COIL: variants seen among roughly 807,000 people sequenced by gnomAD.
COIL encodes coilin p80.
A neutral mutation model predicts 51.6 loss-of-function variants in COIL; 28 were observed. The ratio of observed to expected loss-of-function variants is 0.54; its 90% confidence interval spans 0.40 to 0.74. The LOEUF is 0.74. Among genes scored for constraint, COIL ranks in the 30% least tolerant of loss-of-function variants. The probability of loss-of-function intolerance (pLI) is 0.00; values close to 1 mark genes in which losing one functional copy is unlikely to be tolerated. For missense variants in COIL, 667 were observed against 685.9 expected (o/e 0.97, Z 0.31); for synonymous variants, 233 against 255.8 (o/e 0.91, Z 0.85).
In COIL at chr17:56,957,798, C is replaced by A. The variant is rs1195352183; in HGVS notation, c.245+2977G>T. On this transcript the variant is annotated intron_variant, in intron 1 of 6. Transcript: ENST00000240316. Reference sequence around the variant, plus strand: ...CCCCAGCAAACTAACACAGGGGGCTCCAAGCCAATAGAAGCACCTCCTCCT... The same window carrying A: ...CCCCAGCAAACTAACACAGGGGGCTACAAGCCAATAGAAGCACCTCCTCCT... Among the ~76,000 whole-genome samples, 3 of 152,250 alleles carry A rather than the reference C, an allele frequency of 2.0e-5. No homozygotes were observed. The East Asian group carries it at 5.8e-4, about 29-fold the overall frequency.
rs761145108 is a variant in COIL at position 56,942,111 on chromosome 17, G to C, written c.1571C>G (p.Pro524Arg). Residue 524 changes from proline (P) to arginine (R), a missense_variant, in exon 6 of 7, where the codon CCT (proline) becomes CGT (arginine). By Grantham distance (103) the Pro-to-Arg change is moderately radical. Transcript: ENST00000240316. Reference sequence around the variant, plus strand: ...GTGATAAACTAAATCAAATTTCCCAGGTTCTCTCAAGGCTGAAACAAGAAG... The same window carrying C: ...GTGATAAACTAAATCAAATTTCCCACGTTCTCTCAAGGCTGAAACAAGAAG... ...ILSSLPALREPGKFDLVYHNE... is the reference protein window; with the variant it reads ...ILSSLPALRERGKFDLVYHNE... 10 of 1,613,840 alleles carry C rather than the reference G, an allele frequency of 6.2e-6. No homozygotes were observed. The highest frequency in any genetic ancestry group is 8.5e-6 in the Non-Finnish European group (10 of 1,179,772).
At chr17:56,952,548 C>A in intron 1 of COIL, 1 of 230,368 alleles carries the variant, frequency 4.3e-6, no homozygotes, top group Admixed American at 5.9e-5. Context: ...GTGGGTGGGC[C>A]TCATCCAACC....
At chr17:56,942,285 G>A (rs1034562629) in intron 5 of COIL, among the ~76,000 whole-genome samples, 162 bp from the exon 6 acceptor site, 1 of 152,106 alleles carries the variant, frequency 6.6e-6, no homozygotes, top group African/African-American at 2.4e-5. Flanking sequence ...CTCAATACTG[G>A]GGGATCCTGA....
chr17:56,952,088 C>T (rs1490183372), intron 1 of COIL: 6 of 364,884 alleles, frequency 1.6e-5, no homozygotes, highest in Non-Finnish European at 3.2e-5. Flanking sequence ...AGATTACAGG[C>T]ATGAGCCATC....
chr17:56,943,918 T>C (rs1350092093), intron 5 of COIL, among the ~76,000 whole-genome samples: 5 of 152,132 alleles, frequency 3.3e-5, no homozygotes, highest in African/African-American at 1.2e-4. Context: ...CAGCCTGGAG[T>C]GCAGTGACGC....
chr17:56,954,220 C>G (rs1160908961), intron 1 of COIL, among the ~76,000 whole-genome samples: 1 of 152,096 alleles, frequency 6.6e-6, no homozygotes, highest in Non-Finnish European at 1.5e-5. Flanking sequence ...TGGCAACACC[C>G]TCACGCCTTC....
chr17:56,960,150 G>A (rs145106415), intron 1 of COIL, among the ~76,000 whole-genome samples: 1,779 of 152,080 alleles, frequency 0.012, 24 homozygotes, highest in Non-Finnish European at 0.019. Flanking sequence ...ATTGAACCCG[G>A]GAGGTGGAGG....
At chr17:56,951,160 T>C (rs1910363251) in intron 1 of COIL, among the ~76,000 whole-genome samples, 164 bp from the exon 2 acceptor site, 1 of 152,272 alleles carries the variant, frequency 6.6e-6, no homozygotes, top group Non-Finnish European at 1.5e-5. Flanking sequence ...AAATGGCCTA[T>C]GTAGCATTAC....
At chr17:56,960,696 G>A in intron 1 of COIL, 79 bp downstream of exon 1, 1 of 803,324 alleles carries the variant, frequency 1.2e-6, no homozygotes, top group Non-Finnish European at 1.7e-6. Context: ...ACCAGGTCTA[G>A]CGGCTTCAGG....
Position 56,947,565 on chromosome 17 carries a change from C to A in COIL, c.1489-1054G>T, listed in dbSNP as rs140380925. On this transcript the variant is annotated intron_variant, in intron 4 of 6. Transcript: ENST00000240316. Reference sequence around the variant, plus strand: ...AGCTCACTGCAACCCCCACCTACTGCGTTCAAGTGATTCTTGTGCCTCAGT... The same window carrying A: ...AGCTCACTGCAACCCCCACCTACTGAGTTCAAGTGATTCTTGTGCCTCAGT... Among the ~76,000 whole-genome samples, 455 of 152,174 alleles carry A rather than the reference C, an allele frequency of 3.0e-3. 2 individuals are homozygous for A. The highest frequency in any genetic ancestry group is 0.011 in the African/African-American group (441 of 41,514).
chr17:56,943,461 T>G (rs1314484920), intron 5 of COIL, among the ~76,000 whole-genome samples: 1 of 152,224 alleles, frequency 6.6e-6, no homozygotes, highest in African/African-American at 2.4e-5. Context: ...TTACCACTTT[T>G]GTTTCTTTGC....
intron 5 of COIL, among the ~76,000 whole-genome samples, chr17:56,943,244 G>A (rs944240910): frequency 2.8e-4 from 42 of 152,232 alleles, no homozygotes; most frequent in South Asian, 8.3e-4. Flanking sequence ...TTCTAATGTC[G>A]TGAAATAGCT....
intron 1 of COIL, among the ~76,000 whole-genome samples, chr17:56,953,680 T>G (rs1156416743): frequency 6.6e-6 from 1 of 152,188 alleles, no homozygotes; most frequent in African/African-American, 2.4e-5. Context: ...GGAGCATATG[T>G]GACAAGCATT....
intron 1 of COIL, among the ~76,000 whole-genome samples, chr17:56,959,353 GAAA>G (rs908488935): frequency 6.9e-6 from 1 of 145,322 alleles, no homozygotes. Flanking sequence ...ATTTAAAAAA[GAAA>G]AAAAAAAGTC....
chr17:56,953,135 G>GGT (rs1479930079), intron 1 of COIL, among the ~76,000 whole-genome samples: 4 of 152,058 alleles, frequency 2.6e-5, no homozygotes, highest in African/African-American at 9.6e-5. Flanking sequence ...CATCAGGCTG[G>GGT]GCACGGTGGC....
At chr17:56,942,347 T>C (rs1345973163) in intron 5 of COIL, among the ~76,000 whole-genome samples, 1 of 152,194 alleles carries the variant, frequency 6.6e-6, no homozygotes, top group East Asian at 1.9e-4. Flanking sequence ...AGAAAATCTT[T>C]CCTTCATAAG....
chr17:56,943,322 C>A (rs1910182961), intron 5 of COIL, among the ~76,000 whole-genome samples: 1 of 152,156 alleles, frequency 6.6e-6, no homozygotes, highest in African/African-American at 2.4e-5. Context: ...ACATTTTCAT[C>A]CTTTTTGCCA....
chr17:56,946,609 G>A, intron 4 of COIL, 98 bp from the exon 5 acceptor site: 1 of 725,778 alleles, frequency 1.4e-6, no homozygotes. Flanking sequence ...TTAAAATGTT[G>A]AATTTTATGT....
chr17:56,950,300 A>G lies in COIL; in HGVS notation c.942T>C (p.Ser314=). The G allele has an allele frequency of 6.2e-7, 1 of 1,614,220 alleles. No homozygotes were observed. Residue 314 remains serine (S), a synonymous_variant, in exon 2 of 7, where the codon TCT becomes TCC. Coordinates refer to ENST00000240316, the MANE Select transcript of COIL (RefSeq NM_004645.3). The part of the protein sequence containing the change: ...PSKGKTSGTT[S]SSSDSSAESD... Reference sequence around the variant, plus strand: ...ACTCTGCACTAGAGTCTGAACTGGAAGATGTTGTTCCAGAGGTCTTGCCCT... The same window carrying G: ...ACTCTGCACTAGAGTCTGAACTGGAGGATGTTGTTCCAGAGGTCTTGCCCT...
Sources: allele counts gnomAD v4.1 joint callset (sites outside exome capture counted in the v4.1 genomes callset), GRCh38; gene constraint gnomAD v4.1.1; transcripts MANE v1.5; gene names NCBI Gene and HGNC (gene_info 2026-07-23, HGNC 2026-07-21).